SLC25A48: variants seen among roughly 807,000 people sequenced by gnomAD.
The protein encoded by SLC25A48 is solute carrier family 25 member 48.
SLC25A48 carries 29 observed loss-of-function variants against 32.2 expected under a neutral mutation model. The ratio of observed to expected loss-of-function variants is 0.90; its 90% CI spans 0.67 to 1.23. The LOEUF is 1.23. Ranked by LOEUF, SLC25A48 falls within the 50% of genes most tolerant of loss-of-function variation. The pLI is 0.00. For synonymous variants in SLC25A48, 164 were observed against 172.3 expected (o/e 0.95, Z 0.38); for missense variants, 399 against 422.7 (o/e 0.94, Z 0.49).
chr5:135,870,531 G>T (rs1581038560), intron 4 of SLC25A48, among the ~76,000 whole-genome samples: 1 of 152,162 alleles, frequency 6.6e-6, no homozygotes, highest in Non-Finnish European at 1.5e-5. Flanking sequence ...GACTACTGAG[G>T]TTAGACAAGA....
intron 1 of SLC25A48, among the ~76,000 whole-genome samples, chr5:135,590,095 G>A (rs1471598336): frequency 6.6e-6 from 1 of 152,146 alleles, no homozygotes; most frequent in Non-Finnish European, 1.5e-5. Flanking sequence ...CACATTTCTG[G>A]TGGTGCCTGG....
intron 3 of SLC25A48, among the ~76,000 whole-genome samples, chr5:135,671,344 TG>T (rs1273504791): frequency 6.6e-6 from 1 of 152,240 alleles, no homozygotes; most frequent in Non-Finnish European, 1.5e-5. Context: ...AGGCTGGCCA[TG>T]GTGCCCTTGG....
At chr5:135,683,823 C>G (rs142258131) in intron 3 of SLC25A48, among the ~76,000 whole-genome samples, 4 of 152,184 alleles carry the variant, frequency 2.6e-5, no homozygotes, top group African/African-American at 9.6e-5. Flanking sequence ...GGATGCCCTG[C>G]GGGAATCATT....
chr5:135,838,214 G>C (rs1358538349), intron 1 of SLC25A48, among the ~76,000 whole-genome samples: 1 of 152,220 alleles, frequency 6.6e-6, no homozygotes, highest in Non-Finnish European at 1.5e-5. Context: ...ACTTGAGAGA[G>C]ATGTTTTAGG....
At chr5:135,792,341 A>G (rs1178475266) in intron 3 of SLC25A48, among the ~76,000 whole-genome samples, 2 of 151,646 alleles carry the variant, frequency 1.3e-5, no homozygotes, top group African/African-American at 2.4e-5. Context: ...TTACTCCTAT[A>G]AAACAGTGGT....
At chr5:135,589,354 G>A (rs1751453317) in intron 1 of SLC25A48, among the ~76,000 whole-genome samples, 1 of 152,174 alleles carries the variant, frequency 6.6e-6, no homozygotes. Context: ...CTCCCATAGT[G>A]CGACGAAAAG....
At chr5:135,852,109 G>A (rs940532962) in intron 3 of SLC25A48, among the ~76,000 whole-genome samples, 3 of 152,174 alleles carry the variant, frequency 2.0e-5, no homozygotes, top group Non-Finnish European at 4.4e-5. Context: ...CAGTGAGGGC[G>A]GAGGCTGTTT....
intron 4 of SLC25A48, among the ~76,000 whole-genome samples, chr5:135,858,168 A>G (rs535271340): frequency 2.8e-4 from 42 of 152,316 alleles, no homozygotes; most frequent in Non-Finnish European, 5.7e-4. Context: ...GAAAATGAAC[A>G]TGTGTTTGTT....
At chr5:135,743,115 C>T (rs1362551032) in intron 3 of SLC25A48, among the ~76,000 whole-genome samples, 1 of 115,770 alleles carries the variant, frequency 8.6e-6, no homozygotes, top group South Asian at 3.9e-4. Flanking sequence ...ACTCTGTCAT[C>T]CAGGCTGGAG....
intron 4 of SLC25A48, among the ~76,000 whole-genome samples, chr5:135,855,571 A>T (rs886402377): frequency 6.6e-5 from 10 of 152,206 alleles, no homozygotes; most frequent in African/African-American, 2.4e-4. Context: ...AGAGTGAGGC[A>T]TGGGAGGTTT....
chr5:135,755,832 A>G (rs1755888477), intron 3 of SLC25A48, among the ~76,000 whole-genome samples: 2 of 146,706 alleles, frequency 1.4e-5, no homozygotes, highest in Non-Finnish European at 3.0e-5. Context: ...TCTAATGTCA[A>G]TGCAGTGTAG....
At chr5:135,584,381 A>G (rs1303291717) in intron 1 of SLC25A48, among the ~76,000 whole-genome samples, 1 of 152,258 alleles carries the variant, frequency 6.6e-6, no homozygotes, top group African/African-American at 2.4e-5. Flanking sequence ...CCAATTCATC[A>G]AAGAACATGC....
intron 3 of SLC25A48, among the ~76,000 whole-genome samples, chr5:135,769,919 G>A (rs1756360227): frequency 6.7e-6 from 1 of 149,906 alleles, no homozygotes; most frequent in Non-Finnish European, 1.5e-5. Flanking sequence ...CTGTGATATT[G>A]TTCGTAATAT....
Position 135,871,543 on chromosome 5 carries a change from TGTG to T in SLC25A48, c.505_507del (p.Val169del). The T allele has an allele frequency of 6.2e-7, 1 of 1,614,092 alleles. No homozygotes were observed. The highest frequency in any genetic ancestry group is 8.5e-7 in the Non-Finnish European group (1 of 1,179,986). On this transcript the variant is annotated inframe_deletion, in exon 5 of 8. Transcript: ENST00000681962. ...GGCCAGTGCACTGCATTACAACCAT[TGTG>T]AGGAATGAGGGCCTGGCGGGGCTAT...
chr5:135,758,705 G>T (rs978105535), intron 3 of SLC25A48, among the ~76,000 whole-genome samples: 2 of 150,390 alleles, frequency 1.3e-5, no homozygotes, highest in African/African-American at 4.8e-5. Flanking sequence ...ATAATACCTA[G>T]TGTTAACACA....
At chr5:135,772,805 G>A (rs1042289110) in intron 3 of SLC25A48, among the ~76,000 whole-genome samples, 7 of 151,370 alleles carry the variant, frequency 4.6e-5, no homozygotes, top group Non-Finnish European at 8.9e-5. Flanking sequence ...TGTCTCAGGG[G>A]TTGTACAACC....
chr5:135,687,851 T>A (rs990959345), intron 3 of SLC25A48, among the ~76,000 whole-genome samples: 2 of 152,366 alleles, frequency 1.3e-5, no homozygotes, highest in East Asian at 3.9e-4. Context: ...GGCTTTCTGA[T>A]AACTACTTAC....
intron 3 of SLC25A48, among the ~76,000 whole-genome samples, chr5:135,773,447 G>A (rs182408084): frequency 1.1e-4 from 17 of 151,432 alleles, no homozygotes; most frequent in Admixed American, 7.9e-4. Flanking sequence ...CGCAGGGGGT[G>A]TACACCCTCC....
At chr5:135,729,480 T>C (rs1285978449) in intron 3 of SLC25A48, among the ~76,000 whole-genome samples, 1 of 152,154 alleles carries the variant, frequency 6.6e-6, no homozygotes, top group Admixed American at 6.5e-5. Flanking sequence ...GCAGGGAAAA[T>C]GTGTGTAAAT....
Sources: gnomAD v4.1 joint callset for allele counts (sites outside exome capture counted in the v4.1 genomes callset) on GRCh38, gnomAD v4.1.1 for gene constraint, MANE v1.5 for transcripts, NCBI Gene and HGNC (gene_info 2026-07-23, HGNC 2026-07-21) for gene names.